The following EEF2K variants were observed in gnomAD, a reference collection of about 807,000 sequenced individuals.
EEF2K encodes the protein alternative protein EEF2K.
A neutral mutation model predicts 93.8 loss-of-function variants in EEF2K; 70 were observed. The observed-to-expected ratio is 0.75, with a 90% CI of 0.62 to 0.91. EEF2K has a LOEUF of 0.91. Ranked by LOEUF, EEF2K falls within the 40% of genes least tolerant of loss-of-function variation. EEF2K has a pLI of 0.00. For missense variants in EEF2K, 935 were observed against 972.9 expected (o/e 0.96, Z 0.52); for synonymous variants, 376 against 380.8 (o/e 0.99, Z 0.15).
Position 22,286,837 on chromosome 16 carries a change from G to T in EEF2K, c.*2841G>T, listed in dbSNP as rs1398838728. 3.3e-5 allele frequency: 5 copies of T among 152,202 alleles called. No individual in the cohort carries two copies. The highest frequency in any genetic ancestry group is 1.3e-4 in the Admixed American group (2 of 15,272). The allele number at this position is 152,202 out of a possible 1,614,324, so 9.4% of individuals were successfully genotyped here. A position where few individuals can be genotyped will look rare whatever the true frequency, so the allele number is the denominator to read the frequency against. On this transcript the variant is annotated 3_prime_UTR_variant, in exon 18 of 18. Coordinates refer to ENST00000263026, the MANE Select transcript of EEF2K (RefSeq NM_013302.5). ...CCTAGTCAGTGCACTCACCCTTTGA[G>T]GCTCTGGTTCCTCCAAACAATGATT...
intron 1 of EEF2K, among the ~76,000 whole-genome samples, chr16:22,221,453 A>C (rs2047010611): frequency 6.6e-6 from 1 of 152,088 alleles, no homozygotes; most frequent in East Asian, 1.9e-4. Flanking sequence ...CAGCCAGGGC[A>C]ACCTGTCTCT....
At chr16:22,225,159 C>A (rs1567263203) in intron 1 of EEF2K, among the ~76,000 whole-genome samples, 1 of 152,060 alleles carries the variant, frequency 6.6e-6, no homozygotes, top group Non-Finnish European at 1.5e-5. Context: ...ACAGCAGGTA[C>A]AAAGGCTCGG....
chr16:22,236,363 T>A (rs1236225026), intron 2 of EEF2K, among the ~76,000 whole-genome samples: 2 of 150,916 alleles, frequency 1.3e-5, no homozygotes, highest in Non-Finnish European at 3.0e-5. Context: ...TTGCCTCGAC[T>A]TCCCAGGTTC....
chr16:22,275,028 A>ATG (rs1437675301), intron 16 of EEF2K, among the ~76,000 whole-genome samples: 3 of 152,190 alleles, frequency 2.0e-5, no homozygotes, highest in Non-Finnish European at 4.4e-5. Context: ...CCCTCCTCTG[A>ATG]TGTACTGTCT....
Position 22,284,193 on chromosome 16 carries a change from G to A in EEF2K, c.*197G>A, listed in dbSNP as rs1456267148. ...AGCTACCAGCAGAGACTCTATAGCT[G>A]TCTCTTAGGGCAGTATTTTGGGGAA... is the stretch of plus-strand genomic sequence containing the variant. On this transcript the variant is annotated 3_prime_UTR_variant, in exon 18 of 18. Transcript: ENST00000263026. 2 of 579,174 alleles carry A rather than the reference G, an allele frequency of 3.5e-6. No homozygotes were observed. Among genetic ancestry groups the A allele is most frequent in the Non-Finnish European group, 6.1e-6 (2 of 325,340 alleles). The allele number at this position is 579,174 out of a possible 1,614,324, so 35.9% of individuals were successfully genotyped here. A position where few individuals can be genotyped will look rare whatever the true frequency, so the allele number is the denominator to read the frequency against.
intron 1 of EEF2K, among the ~76,000 whole-genome samples, chr16:22,209,987 G>T (rs1370085011): frequency 6.6e-6 from 1 of 152,052 alleles, no homozygotes. Context: ...GTAGAGATGG[G>T]GTCTCACTCT....
intron 1 of EEF2K, among the ~76,000 whole-genome samples, chr16:22,218,560 G>C (rs1598162437): frequency 6.6e-6 from 1 of 152,192 alleles, no homozygotes; most frequent in African/African-American, 2.4e-5. Context: ...GAGACCCAGT[G>C]AGACAGTGGT....
chr16:22,261,717 A>T (rs958441001), intron 11 of EEF2K, among the ~76,000 whole-genome samples: 2 of 151,534 alleles, frequency 1.3e-5, no homozygotes, highest in Non-Finnish European at 2.9e-5. Context: ...AATACTTCTT[A>T]GTAGAGGCGG....
At chr16:22,281,921 G>A (rs892728821) in intron 17 of EEF2K, among the ~76,000 whole-genome samples, 2 of 152,068 alleles carry the variant, frequency 1.3e-5, no homozygotes, top group Non-Finnish European at 2.9e-5. Context: ...TAATGTATTA[G>A]TCTTCTTGGG....
intron 1 of EEF2K, among the ~76,000 whole-genome samples, chr16:22,216,270 C>T (rs748741974): frequency 6.6e-5 from 10 of 152,242 alleles, no homozygotes; most frequent in Admixed American, 1.3e-4. Context: ...TGTGTAGTTC[C>T]GCTCCCTTAA....
intron 17 of EEF2K, among the ~76,000 whole-genome samples, chr16:22,283,410 GTA>G (rs1191207792): frequency 5.1e-4 from 77 of 150,166 alleles, no homozygotes; most frequent in African/African-American, 1.8e-3. Flanking sequence ...AAGTATATTT[GTA>G]TGTTTTACAC....
At chr16:22,272,925 C>G (rs2047598506) in intron 15 of EEF2K, among the ~76,000 whole-genome samples, 1 of 152,166 alleles carries the variant, frequency 6.6e-6, no homozygotes. Flanking sequence ...ATCCACCCGC[C>G]TTGACCTCCC....
chr16:22,208,129 T>C (rs2046881208), intron 1 of EEF2K, among the ~76,000 whole-genome samples: 1 of 152,072 alleles, frequency 6.6e-6, no homozygotes, highest in African/African-American at 2.4e-5. Flanking sequence ...GGGGGTGGGG[T>C]CCGAAGTTCT....
intron 1 of EEF2K, among the ~76,000 whole-genome samples, chr16:22,210,164 C>G (rs1429382505): frequency 2.6e-5 from 4 of 152,180 alleles, no homozygotes; most frequent in African/African-American, 9.7e-5. Context: ...AATAACAGTG[C>G]TCCCCACAAC....
At chr16:22,225,464 C>T (rs2047053248) in intron 1 of EEF2K, among the ~76,000 whole-genome samples, 190 bp from the exon 2 acceptor site, 1 of 152,184 alleles carries the variant, frequency 6.6e-6, no homozygotes, top group Non-Finnish European at 1.5e-5. Context: ...AGTGGAATGA[C>T]GACTGGGTCA....
At chr16:22,270,040 C>T (rs987504894) in intron 15 of EEF2K, among the ~76,000 whole-genome samples, 3 of 151,704 alleles carry the variant, frequency 2.0e-5, no homozygotes, top group Admixed American at 6.6e-5. Context: ...TCACTGCAAC[C>T]TCCACCACCC....
At chr16:22,236,703 G>A (rs1295729832) in intron 2 of EEF2K, among the ~76,000 whole-genome samples, 1 of 151,430 alleles carries the variant, frequency 6.6e-6, no homozygotes, top group Non-Finnish European at 1.5e-5. Context: ...CAAAACATTT[G>A]CAAACACATT....
chr16:22,228,070 G>T (rs2047081611), intron 2 of EEF2K, among the ~76,000 whole-genome samples: 1 of 129,674 alleles, frequency 7.7e-6, no homozygotes, highest in Admixed American at 9.2e-5. Context: ...CTGGAGTGCA[G>T]TGGCACAATC....
At chr16:22,241,522 G>GT (rs145873834) in intron 2 of EEF2K, among the ~76,000 whole-genome samples, 215 of 150,048 alleles carry the variant, frequency 1.4e-3, no homozygotes, top group African/African-American at 5.2e-3. Flanking sequence ...GCTCACGCCT[G>GT]TAATCCCAGC....
Sources: allele counts gnomAD v4.1 joint callset (sites outside exome capture counted in the v4.1 genomes callset), GRCh38; gene constraint gnomAD v4.1.1; transcripts MANE v1.5; gene names NCBI Gene and HGNC (gene_info 2026-07-23, HGNC 2026-07-21).